The following DYNC2H1 variants were observed in gnomAD, a reference collection of about 807,000 sequenced individuals.
DYNC2H1 encodes the protein dynein cytoplasmic 2 heavy chain 1.
In DYNC2H1, 410 loss-of-function variants were observed where a neutral mutation model predicts 570.0. The observed-to-expected ratio is 0.72, with a 90% CI of 0.66 to 0.78. DYNC2H1 has a LOEUF of 0.78. Ranked by LOEUF, DYNC2H1 falls within the 30% of genes least tolerant of loss-of-function variation. The probability of loss-of-function intolerance (pLI) is 0.00; values close to 1 mark genes in which losing one functional copy is unlikely to be tolerated. For missense variants in DYNC2H1, 4,865 were observed against 5,046.4 expected (o/e 0.96, Z 1.09); for synonymous variants, 1,688 against 1,677.6 (o/e 1.01, Z -0.15).
chr11:103,116,579 A>C lies in DYNC2H1; in HGVS notation c.631A>C (p.Asn211His). Reference protein sequence around the residue: ...LFETIAREFYNLDSLSLLEVV... With the variant: ...LFETIAREFYHLDSLSLLEVV... ...ATGCATTTTTTTCTAGGAGTTTTAT[A>C]ACTTGGACAGTCTATCCTTACTAGA... is the stretch of plus-strand genomic sequence containing the variant. The change falls in exon 5 of 89, where the codon AAC (asparagine) becomes CAC (histidine). Residue 211 changes from asparagine (N) to histidine (H), a missense_variant. By Grantham distance (68) the Asn-to-His change is moderately conservative (BLOSUM62 1). This residue lies in a region of DYNC2H1 where 1,936 missense variants were observed against 1,962.1 expected (regional missense o/e 0.99). Coordinates refer to ENST00000375735, the MANE Select transcript of DYNC2H1 (RefSeq NM_001377.3). 5.1e-6 allele frequency: 8 copies of C among 1,580,992 alleles called. No homozygotes were observed. Among genetic ancestry groups the C allele is most frequent in the Non-Finnish European group, 6.9e-6 (8 of 1,164,386 alleles).
intron 50 of DYNC2H1, among the ~76,000 whole-genome samples, chr11:103,202,124 T>G (rs1040862310): frequency 5.9e-5 from 9 of 152,154 alleles, no homozygotes; most frequent in African/African-American, 2.2e-4. Context: ...AAGTGGTAGA[T>G]CCATTTCTGT....
At chr11:103,358,431 G>T in intron 83 of DYNC2H1, 72 bp downstream of exon 83, 2 of 1,067,500 alleles carry the variant, frequency 1.9e-6, no homozygotes, top group Non-Finnish European at 2.8e-6. Context: ...CCCCATTTCT[G>T]CCTGAGTCAT....
At chr11:103,417,716 A>G (rs1943337405) in intron 84 of DYNC2H1, among the ~76,000 whole-genome samples, 3 of 152,034 alleles carry the variant, frequency 2.0e-5, no homozygotes, top group African/African-American at 7.2e-5. Flanking sequence ...TCTCTACTAA[A>G]AATACAAAAA....
chr11:103,115,321 A>T, intron 4 of DYNC2H1, 26 bp downstream of exon 4: 1 of 1,468,606 alleles, frequency 6.8e-7, no homozygotes, highest in Non-Finnish European at 9.2e-7. Flanking sequence ...ATGGTGATAT[A>T]TTGGGCTTCT....
intron 70 of DYNC2H1, among the ~76,000 whole-genome samples, chr11:103,266,486 A>G (rs1865509456): frequency 6.6e-6 from 1 of 151,938 alleles, no homozygotes; most frequent in South Asian, 2.1e-4. Context: ...CAGTCTTAGC[A>G]CAAAAGTCAG....
At chr11:103,348,486 T>C (rs72979623) in intron 82 of DYNC2H1, among the ~76,000 whole-genome samples, 10,012 of 152,216 alleles carry the variant, frequency 0.066, 341 homozygotes, top group Non-Finnish European at 0.077. Flanking sequence ...ACCACTGATT[T>C]CTTTTTTATC....
chr11:103,274,531 T>G (rs1865835424), intron 70 of DYNC2H1, among the ~76,000 whole-genome samples: 1 of 152,206 alleles, frequency 6.6e-6, no homozygotes, highest in Non-Finnish European at 1.5e-5. Flanking sequence ...TATAATCATT[T>G]TAAAGATTCA....
chr11:103,303,294 C>G, intron 76 of DYNC2H1, 41 bp downstream of exon 76: 1 of 1,583,858 alleles, frequency 6.3e-7, no homozygotes, highest in Non-Finnish European at 8.6e-7. Flanking sequence ...TTTGCTATTG[C>G]TGTTCCCACA....
At chr11:103,117,526 G>T in intron 5 of DYNC2H1, 105 bp from the exon 6 acceptor site, 1 of 923,210 alleles carries the variant, frequency 1.1e-6, no homozygotes, top group Non-Finnish European at 1.5e-6. Flanking sequence ...ATCCTTAGTT[G>T]GCTAATTTGT....
intron 61 of DYNC2H1, 109 bp downstream of exon 61, chr11:103,234,269 C>T: frequency 7.8e-7 from 1 of 1,281,192 alleles, no homozygotes. Flanking sequence ...TTGCACCTGG[C>T]TCAGGATAAA....
At chr11:103,303,024 AT>A in intron 75 of DYNC2H1, 68 bp from the exon 76 acceptor site, 2 of 1,173,810 alleles carry the variant, frequency 1.7e-6, no homozygotes, top group Non-Finnish European at 2.2e-6. Flanking sequence ...ATATCATATA[AT>A]TAGATTTAAT....
intron 88 of DYNC2H1, among the ~76,000 whole-genome samples, chr11:103,477,852 AAAAAG>A: frequency 6.6e-6 from 1 of 151,540 alleles, no homozygotes; most frequent in African/African-American, 2.4e-5. Context: ...AAAAAAAAAA[AAAAAG>A]ATCAATTATT....
intron 67 of DYNC2H1, among the ~76,000 whole-genome samples, chr11:103,255,799 T>A (rs1056277207): frequency 2.0e-5 from 3 of 152,054 alleles, no homozygotes; most frequent in African/African-American, 7.2e-5. Context: ...TCAAGAAGCA[T>A]TGAAAGCAAG....
At chr11:103,355,468 A>G (rs1940290372) in intron 82 of DYNC2H1, among the ~76,000 whole-genome samples, 1 of 152,218 alleles carries the variant, frequency 6.6e-6, no homozygotes, top group South Asian at 2.1e-4. Context: ...GACAAAACAA[A>G]AAAGCTTGTA....
intron 86 of DYNC2H1, among the ~76,000 whole-genome samples, chr11:103,455,758 C>CT (rs1442767068): frequency 6.6e-6 from 1 of 152,064 alleles, no homozygotes; most frequent in Non-Finnish European, 1.5e-5. Context: ...GACTAGGCTC[C>CT]TTGGTGGAGA....
rs752810251 is a variant in DYNC2H1 at position 103,153,396 on chromosome 11, G to C, written c.3190G>C (p.Gly1064Arg). The change falls in exon 22 of 89, where the codon GGT (glycine) becomes CGT (arginine). Residue 1064 changes from glycine (G) to arginine (R), a missense_variant. Physicochemically the swap from Gly to Arg is moderately radical, Grantham distance 125. Coordinates refer to ENST00000375735, the MANE Select transcript of DYNC2H1 (RefSeq NM_001377.3). Reference sequence around the variant, plus strand: ...AGCTCGTTGGGACCAACTAAAGCCTGGTGATGATGTTATTGAAACTGGCCA... The same window carrying C: ...AGCTCGTTGGGACCAACTAAAGCCTCGTGATGATGTTATTGAAACTGGCCA... ...FKARWDQLKP[G>R]DDVIETGQHN... 1 of 1,556,666 alleles carries C rather than the reference G, an allele frequency of 6.4e-7. No homozygotes were observed. The highest frequency in any genetic ancestry group is 1.9e-5 in the Admixed American group (1 of 51,628).
Position 103,204,759 on chromosome 11 carries a change from T to A in DYNC2H1, c.8312-63T>A. ...ACTATTTCATTTGAGAAAATTTTGA[T>A]CTCTTTAACCCAGACCACGTATAGA... On this transcript the variant is annotated intron_variant, in intron 51 of 88. Transcript: ENST00000375735. This position sits in a 1 kb window ranked among gnomAD's most constrained non-coding sequence, Gnocchi z 4.1. 1 of 1,297,172 alleles carries A rather than the reference T, an allele frequency of 7.7e-7. No individual in the cohort carries two copies. Among genetic ancestry groups the A allele is most frequent in the South Asian group, 1.7e-5 (1 of 60,224 alleles). 80.4% of individuals were successfully genotyped at this position (1,297,172 alleles called of 1,614,324 possible).
rs1938369246 is a variant in DYNC2H1 at position 103,324,514 on chromosome 11, C to T, written c.12039+524C>T. ...TGAAGGACATGGTCTTGCTCCAGCT[C>T]CTTCACTTCCTTGCTGCAAAGGACA... On this transcript the variant is annotated intron_variant, in intron 82 of 88. Transcript: ENST00000375735. The surrounding 1 kb of genome is among the most constrained non-coding windows in gnomAD (Gnocchi z 5.2). Among the ~76,000 whole-genome samples, 2 of 152,170 alleles carry T rather than the reference C, an allele frequency of 1.3e-5. No individual in the cohort carries two copies. The highest frequency in any genetic ancestry group is 2.9e-5 in the Non-Finnish European group (2 of 68,026).
chr11:103,403,147 TA>T (rs1297232574), intron 84 of DYNC2H1: 15 of 152,218 alleles, frequency 9.9e-5, no homozygotes, highest in East Asian at 3.9e-4. Flanking sequence ...AGTAGATGAC[TA>T]ATTAGATGAT....
Sources: gnomAD v4.1 joint callset for allele counts (sites outside exome capture counted in the v4.1 genomes callset) on GRCh38, gnomAD v4.1.1 for gene constraint, gnomAD v4.1.1 regional missense constraint, Gnocchi (gnomAD v3.1) non-coding constraint, MANE v1.5 for transcripts, NCBI Gene and HGNC (gene_info 2026-07-23, HGNC 2026-07-21) for gene names.